CFAP299: variants seen among roughly 807,000 people sequenced by gnomAD.
The protein encoded by CFAP299 is cilia and flagella associated protein 299.
A neutral mutation model predicts 27.0 loss-of-function variants in CFAP299; 21 were observed. The ratio of observed to expected loss-of-function variants is 0.78; its 90% CI spans 0.55 to 1.12. The LOEUF is 1.12. Among genes scored for constraint, CFAP299 ranks in the 50% most tolerant of loss-of-function variants. The pLI is 0.00. For missense variants in CFAP299, 310 were observed against 276.6 expected (o/e 1.12, Z -0.86); for synonymous variants, 104 against 98.1 (o/e 1.06, Z -0.36).
intron 2 of CFAP299, among the ~76,000 whole-genome samples, chr4:80,536,441 G>C (rs1479582880): frequency 2.0e-5 from 3 of 152,018 alleles, no homozygotes; most frequent in Non-Finnish European, 4.4e-5. Flanking sequence ...AGCTGGAGGC[G>C]TCACATTACC....
At chr4:80,897,852 T>C (rs931710544) in intron 4 of CFAP299, among the ~76,000 whole-genome samples, 1 of 152,196 alleles carries the variant, frequency 6.6e-6, no homozygotes, top group African/African-American at 2.4e-5. Context: ...GAAAACTAAA[T>C]TGAAACAGGG....
chr4:80,782,561 ATAAT>A, intron 3 of CFAP299, among the ~76,000 whole-genome samples: 1 of 143,942 alleles, frequency 6.9e-6, no homozygotes, highest in East Asian at 2.0e-4. Context: ...ATATTGATAT[ATAAT>A]ATACATATAT....
intron 2 of CFAP299, among the ~76,000 whole-genome samples, chr4:80,535,062 G>A (rs1398836774): frequency 1.3e-5 from 2 of 151,984 alleles, no homozygotes; most frequent in African/African-American, 4.8e-5. Context: ...GGAGAGACTC[G>A]GAGTTTAGCA....
chr4:80,462,657 C>T (rs1051235886), intron 2 of CFAP299, among the ~76,000 whole-genome samples: 1 of 152,068 alleles, frequency 6.6e-6, no homozygotes, highest in Non-Finnish European at 1.5e-5. Context: ...GATCTCATCC[C>T]ACCCTTGCTT....
chr4:80,868,778 A>G (rs1414441195), intron 3 of CFAP299, among the ~76,000 whole-genome samples: 1 of 151,538 alleles, frequency 6.6e-6, no homozygotes, highest in African/African-American at 2.4e-5. Flanking sequence ...GGTCAGTCAC[A>G]ATATCTAGTC....
chr4:80,492,532 A>G (rs1312659497), intron 2 of CFAP299, among the ~76,000 whole-genome samples: 1 of 152,230 alleles, frequency 6.6e-6, no homozygotes, highest in East Asian at 1.9e-4. Context: ...AAGAGAAAAT[A>G]TAGGGACTTG....
intron 3 of CFAP299, among the ~76,000 whole-genome samples, chr4:80,855,131 G>C (rs1402392238): frequency 1.3e-5 from 2 of 152,002 alleles, no homozygotes; most frequent in African/African-American, 4.8e-5. Context: ...TTTTGGAATT[G>C]TGCAGTCAAA....
At chr4:80,694,898 C>G (rs1321112636) in intron 3 of CFAP299, among the ~76,000 whole-genome samples, 1 of 152,074 alleles carries the variant, frequency 6.6e-6, no homozygotes, top group Non-Finnish European at 1.5e-5. Context: ...AAATAAAAGC[C>G]TCATTTACAT....
chr4:80,522,770 G>T (rs950520939), intron 2 of CFAP299, among the ~76,000 whole-genome samples: 1 of 152,024 alleles, frequency 6.6e-6, no homozygotes, highest in Non-Finnish European at 1.5e-5. Context: ...TCCCAGTTGT[G>T]TAGCCTTGGC....
At chr4:80,336,089 C>T (rs973396588) in intron 1 of CFAP299, among the ~76,000 whole-genome samples, 2 of 152,196 alleles carry the variant, frequency 1.3e-5, no homozygotes, top group Non-Finnish European at 2.9e-5. Flanking sequence ...ACTTGGGCCC[C>T]TAGAGTCACC....
At chr4:80,369,148 A>G (rs1022473025) in intron 2 of CFAP299, among the ~76,000 whole-genome samples, 1 of 152,196 alleles carries the variant, frequency 6.6e-6, no homozygotes, top group East Asian at 1.9e-4. Flanking sequence ...GTTGAGGCCA[A>G]TCTTGAAAGG....
rs565147668 is a variant in CFAP299 at position 80,807,448 on chromosome 4, A to G, written c.334-62545A>G. Among the ~76,000 whole-genome samples, 92 of 152,288 alleles carry G rather than the reference A, an allele frequency of 6.0e-4. 1 individual carries two copies. In the South Asian group the frequency reaches 0.014, roughly 24 times the overall value. On this transcript the variant is annotated intron_variant, in intron 3 of 5. Transcript: ENST00000358105. ...ACCAAACACGTTTTAGATTATCACA[A>G]AAAGGTACCAGAGAAAGGTCAGAAA...
intron 3 of CFAP299, among the ~76,000 whole-genome samples, chr4:80,766,188 A>C (rs569192921): frequency 1.3e-5 from 2 of 152,156 alleles, no homozygotes; most frequent in South Asian, 2.1e-4. Flanking sequence ...GGAGGAAAAA[A>C]CTCCAATCAC....
intron 3 of CFAP299, among the ~76,000 whole-genome samples, chr4:80,822,513 G>C (rs1475671152): frequency 6.6e-6 from 1 of 152,064 alleles, no homozygotes; most frequent in Non-Finnish European, 1.5e-5. Flanking sequence ...AAAATATTCA[G>C]TACATTCAAT....
At chr4:80,610,076 CTTATT>C (rs1171968052) in intron 3 of CFAP299, among the ~76,000 whole-genome samples, 2 of 151,938 alleles carry the variant, frequency 1.3e-5, no homozygotes, top group African/African-American at 2.4e-5. Flanking sequence ...AATTTGCTTA[CTTATT>C]TTATTTTTAT....
At chr4:80,472,991 G>C (rs1023469127) in intron 2 of CFAP299, among the ~76,000 whole-genome samples, 1 of 152,096 alleles carries the variant, frequency 6.6e-6, no homozygotes, top group African/African-American at 2.4e-5. Context: ...AATGATTACA[G>C]GCTAGTTAGT....
intron 3 of CFAP299, among the ~76,000 whole-genome samples, chr4:80,619,626 T>C (rs1283271059): frequency 6.6e-6 from 1 of 152,140 alleles, no homozygotes; most frequent in Admixed American, 6.6e-5. Flanking sequence ...GAATACAGAA[T>C]ACAGTGTTTG....
At chr4:80,838,962 T>C (rs541581044) in intron 3 of CFAP299, among the ~76,000 whole-genome samples, 11 of 152,272 alleles carry the variant, frequency 7.2e-5, no homozygotes, top group African/African-American at 2.6e-4. Context: ...ACAATGAGCC[T>C]GGACTGATCG....
intron 2 of CFAP299, 140 bp downstream of exon 2, chr4:80,363,024 G>A: frequency 1.1e-6 from 1 of 928,740 alleles, no homozygotes; most frequent in Non-Finnish European, 1.5e-6. Context: ...TTGTTCTGCA[G>A]ATGAGGAACT....
Sources: gnomAD v4.1 joint callset for allele counts (sites outside exome capture counted in the v4.1 genomes callset) on GRCh38, gnomAD v4.1.1 for gene constraint, MANE v1.5 for transcripts, NCBI Gene and HGNC (gene_info 2026-07-23, HGNC 2026-07-21) for gene names.